The following ADAM10 variants were observed in gnomAD, a reference collection of about 807,000 sequenced individuals.
ADAM10 encodes disintegrin and metalloproteinase domain-containing protein 10.
In ADAM10, 17 loss-of-function variants were observed where a neutral mutation model predicts 90.1. The ratio of observed to expected loss-of-function variants is 0.19; its 90% CI spans 0.13 to 0.28. ADAM10 has a LOEUF of 0.28. Ranked by LOEUF, ADAM10 falls within the 10% of genes least tolerant of loss-of-function variation. The pLI, the probability that ADAM10 is intolerant of heterozygous loss-of-function variation, is 1.00. For synonymous variants in ADAM10, 310 were observed against 298.6 expected, an observed-to-expected ratio of 1.04 and a Z score of -0.40; for missense variants, 610 against 914.3, an observed-to-expected ratio of 0.67 and a Z score of 4.29.
chr15:58,746,067 GA>G (rs1484204062), intron 1 of ADAM10, among the ~76,000 whole-genome samples: 2 of 152,218 alleles, frequency 1.3e-5, no homozygotes, highest in Non-Finnish European at 2.9e-5. Flanking sequence ...AAAAAGGCAT[GA>G]AGGGGCAATG....
At chr15:58,708,983 T>G (rs187854904) in intron 2 of ADAM10, among the ~76,000 whole-genome samples, 1 of 152,340 alleles carries the variant, frequency 6.6e-6, no homozygotes, top group Non-Finnish European at 1.5e-5. Context: ...GAACTGTATA[T>G]ATGATGACCA....
At chr15:58,628,825 C>G (rs940432752) in intron 9 of ADAM10, among the ~76,000 whole-genome samples, 1 of 152,172 alleles carries the variant, frequency 6.6e-6, no homozygotes, top group Non-Finnish European at 1.5e-5. Context: ...TGCCCAAGGA[C>G]GTTCTGTTTT....
At chr15:58,610,553 G>C in intron 13 of ADAM10, 36 bp from the exon 14 acceptor site, 1 of 1,586,310 alleles carries the variant, frequency 6.3e-7, no homozygotes, top group Non-Finnish European at 8.7e-7. Context: ...CTGAAGGTCA[G>C]ATTCAAATAT....
chr15:58,694,486 T>G (rs758773366), intron 2 of ADAM10, among the ~76,000 whole-genome samples: 2 of 152,100 alleles, frequency 1.3e-5, no homozygotes, highest in Non-Finnish European at 2.9e-5. Context: ...CCAGGCGAGT[T>G]GGCTAGTGCC....
chr15:58,681,962 A>G (rs1897454010), intron 3 of ADAM10, among the ~76,000 whole-genome samples: 1 of 152,184 alleles, frequency 6.6e-6, no homozygotes, highest in African/African-American at 2.4e-5. Flanking sequence ...AGAGGTACTG[A>G]GTCAAAATTT....
intron 2 of ADAM10, chr15:58,703,759 G>A (rs1266596726): frequency 1.3e-5 from 2 of 152,262 alleles, no homozygotes; most frequent in African/African-American, 2.4e-5. Flanking sequence ...TTCTGATAGC[G>A]AGTGAGTTCT....
At chr15:58,628,139 A>C (rs574529610) in intron 9 of ADAM10, among the ~76,000 whole-genome samples, 2 of 152,372 alleles carry the variant, frequency 1.3e-5, no homozygotes, top group Admixed American at 1.3e-4. Context: ...ACTAGAATTG[A>C]GGACAGACTG....
At chr15:58,745,524 T>TA (rs1324472110) in intron 1 of ADAM10, among the ~76,000 whole-genome samples, 3 of 152,210 alleles carry the variant, frequency 2.0e-5, no homozygotes, top group Non-Finnish European at 4.4e-5. Flanking sequence ...CGGGTTTTTT[T>TA]AAAAAACATC....
At chr15:58,698,575 CAAAAA>C (rs138309518) in intron 2 of ADAM10, among the ~76,000 whole-genome samples, 1 of 115,590 alleles carries the variant, frequency 8.7e-6, no homozygotes, top group African/African-American at 3.2e-5. Flanking sequence ...GACCTTGTCT[CAAAAA>C]AAAAAAAAAA....
chr15:58,740,200 T>C lies in ADAM10; in HGVS notation c.55+9280A>G, dbSNP rs529484307. ...GGCTGAAGGAGGATCACTTGAGGTC[T>C]AGAGTTCGAGGCCAGCCTGGCCAAC... On this transcript the variant is annotated intron_variant, in intron 1 of 15. Transcript: ENST00000260408. Among the ~76,000 whole-genome samples, 11 of 152,212 alleles carry C rather than the reference T, an allele frequency of 7.2e-5. No individual in the cohort carries two copies. The South Asian group carries it at 1.0e-3, about 14-fold the overall frequency.
At chr15:58,640,606 C>T (rs1409429602) in intron 8 of ADAM10, among the ~76,000 whole-genome samples, 171 bp downstream of exon 8, 1 of 152,174 alleles carries the variant, frequency 6.6e-6, no homozygotes, top group Non-Finnish European at 1.5e-5. Flanking sequence ...AAAGCTCCTT[C>T]ATCTATTGTG....
chr15:58,701,014 C>CAAAAAAAAAAAAAAAAAAAAAA (rs1257060994), intron 2 of ADAM10, among the ~76,000 whole-genome samples: 1 of 44,924 alleles, frequency 2.2e-5, no homozygotes, highest in Non-Finnish European at 6.1e-5. Context: ...TAAAAAAAAA[C>CAAAAAAAAAAAAAAAAAAAAAA]AAAAAAACAA....
At chr15:58,733,623 C>T (rs1899330309) in intron 1 of ADAM10, among the ~76,000 whole-genome samples, 1 of 152,130 alleles carries the variant, frequency 6.6e-6, no homozygotes. Context: ...ATTCATGGAA[C>T]CAATCCCCAT....
intron 1 of ADAM10, among the ~76,000 whole-genome samples, chr15:58,726,069 T>C (rs1397085789): frequency 6.6e-6 from 1 of 152,140 alleles, no homozygotes; most frequent in South Asian, 2.1e-4. Context: ...AGCGAATACA[T>C]TTTTTAAACA....
intron 8 of ADAM10, among the ~76,000 whole-genome samples, chr15:58,635,617 T>TATATAA (rs1896230244): frequency 6.6e-6 from 1 of 152,128 alleles, no homozygotes; most frequent in South Asian, 2.1e-4. Context: ...AACCAGAAAA[T>TATATAA]ATATAAATAA....
chr15:58,675,870 T>C (rs980793507), intron 4 of ADAM10, among the ~76,000 whole-genome samples: 1 of 152,182 alleles, frequency 6.6e-6, no homozygotes, highest in Non-Finnish European at 1.5e-5. Context: ...CCAAGGTTAG[T>C]ATGCCTCCCC....
At chr15:58,713,136 T>C (rs376826405) in intron 2 of ADAM10, among the ~76,000 whole-genome samples, 5 of 152,324 alleles carry the variant, frequency 3.3e-5, no homozygotes, top group South Asian at 2.1e-4. Context: ...GTCTCACTCT[T>C]GTCGCCCAAG....
intron 9 of ADAM10, among the ~76,000 whole-genome samples, chr15:58,630,104 T>G (rs1376293803): frequency 8.5e-5 from 13 of 152,144 alleles, no homozygotes; most frequent in African/African-American, 3.1e-4. Flanking sequence ...CACCTTTCTT[T>G]CAGCTTAACA....
intron 10 of ADAM10, among the ~76,000 whole-genome samples, chr15:58,625,648 T>C (rs994202760): frequency 7.2e-5 from 11 of 152,162 alleles, no homozygotes; most frequent in Non-Finnish European, 1.0e-4. Context: ...TCAATTCGAT[T>C]TGGGAGCATT....
Sources: allele counts gnomAD v4.1 joint callset (sites outside exome capture counted in the v4.1 genomes callset), GRCh38; gene constraint gnomAD v4.1.1; transcripts MANE v1.5; gene names NCBI Gene and HGNC (gene_info 2026-07-23, HGNC 2026-07-21).